The following MTA3 variants were observed in gnomAD, a reference collection of about 807,000 sequenced individuals.
MTA3 encodes metastasis associated 1 family member 3.
In MTA3, 34 loss-of-function variants were observed where a neutral mutation model predicts 83.5. That is an observed-to-expected ratio of 0.41 (90% CI 0.31 to 0.54). The LOEUF is 0.54. MTA3 is among the 20% of genes least tolerant of loss of function. The probability of loss-of-function intolerance (pLI) is 0.33; values close to 1 mark genes in which losing one functional copy is unlikely to be tolerated. For synonymous variants in MTA3, 303 were observed against 252.7 expected (o/e 1.20, Z -1.89); for missense variants, 761 against 726.4 (o/e 1.05, Z -0.55).
At chr2:42,564,491 A>G (rs1677819248), upstream of MTA3, among the ~76,000 whole-genome samples, 1 of 152,182 alleles carries the variant, frequency 6.6e-6, no homozygotes, top group Non-Finnish European at 1.5e-5. Flanking sequence ...TTGCCATCAT[A>G]TGCCTACACT....
In MTA3 at chr2:42,625,415, G is replaced by A. The variant is rs1051168547; in HGVS notation, c.318-14758G>A. ...GCTAAATCTTTGATTTTTCTAGCAC[G>A]TCTAGTGATATTTTAATTTTGCCAA... On this transcript the variant is annotated intron_variant, in intron 4 of 16. Coordinates refer to ENST00000405094, the MANE Select transcript of MTA3 (RefSeq NM_001330442.2). Among the ~76,000 whole-genome samples the A allele has an allele frequency of 6.6e-5, 10 of 151,490 alleles. 1 individual carries two copies. Among genetic ancestry groups the A allele is most frequent in the Admixed American group, 2.6e-4 (4 of 15,208 alleles).
Position 42,667,578 on chromosome 2 carries a change from G to GTGTGTGTT in MTA3, c.702+7723_702+7724insTTGTGTGT, listed in dbSNP as rs1690355375. On this transcript the variant is annotated intron_variant, in intron 8 of 16. Coordinates refer to ENST00000405094, the MANE Select transcript of MTA3 (RefSeq NM_001330442.2). Reference sequence around the variant, plus strand: ...TTTCCATCATTTAAAAATTGTGTGTGTGTGTGTGTGTGTGTGTGTGTGTGT... The same window carrying GTGTGTGTT: ...TTTCCATCATTTAAAAATTGTGTGTGTGTGTGTTTGTGTGTGTGTGTGTGTGTGTGTGT... Among the ~76,000 whole-genome samples the GTGTGTGTT allele has an allele frequency of 1.7e-3, 217 of 129,912 alleles. 2 individuals are homozygous for GTGTGTGTT. The highest frequency in any genetic ancestry group is 8.5e-3 in the South Asian group (33 of 3,902). The allele number at this position is 129,912 out of a possible 152,430, so 85.2% of individuals were successfully genotyped here.
chr2:42,568,668 C>A lies in MTA3; in HGVS notation c.-78C>A. 3 of 1,081,458 alleles carry A rather than the reference C, an allele frequency of 2.8e-6. No homozygotes were observed. The highest frequency in any genetic ancestry group is 3.4e-6 in the Non-Finnish European group (3 of 873,470). The allele number at this position is 1,081,458 out of a possible 1,614,324, so 67.0% of individuals were successfully genotyped here. ...GCAGCGACGGCGGCGGCGGCAGCGG[C>A]GGTCGCGGCTGAGGCTGAGGAGGAG... On this transcript the variant is annotated 5_prime_UTR_variant, in exon 1 of 17. Transcript: ENST00000405094.
At chr2:42,719,707 A>G (rs1166053312) in intron 15 of MTA3, among the ~76,000 whole-genome samples, 2 of 152,102 alleles carry the variant, frequency 1.3e-5, no homozygotes, top group African/African-American at 2.4e-5. Flanking sequence ...GCTTTAGGTG[A>G]CTTTGAAGGG....
intron 14 of MTA3, among the ~76,000 whole-genome samples, chr2:42,711,001 C>G (rs865921417): frequency 6.6e-6 from 1 of 151,750 alleles, no homozygotes; most frequent in East Asian, 1.9e-4. Flanking sequence ...ATCACTTGAA[C>G]CTGGGAGGCA....
rs1040275518 is a variant in MTA3, at chr2:42,609,461, A to T, written c.194A>T (p.Glu65Val). 6.8e-6 allele frequency: 11 copies of T among 1,613,444 alleles called. No individual in the cohort carries two copies. In the African/African-American group the frequency reaches 1.5e-4, roughly 22 times the overall value. The change falls in exon 4 of 17, where the codon GAA (glutamate) becomes GTA (valine). Residue 65 changes from glutamate to valine, a missense_variant. Physicochemically the swap from Glu to Val is moderately radical, Grantham distance 121 (BLOSUM62 -2). Coordinates refer to ENST00000405094, the MANE Select transcript of MTA3 (RefSeq NM_001330442.2). ...LIMLADKHAK[E>V]IEEESETTVE... ...TCTTTGAATTTTATTTGTGTAGAAGAAATTGAGGAAGAATCTGAAACAACA... is the reference window on the plus strand; with the variant it reads ...TCTTTGAATTTTATTTGTGTAGAAGTAATTGAGGAAGAATCTGAAACAACA...
At chr2:42,524,472 G>GTGTTTTTTTTTTTTTT (rs1553337451) in intron 2 of MTA3, among the ~76,000 whole-genome samples, 1 of 70,666 alleles carries the variant, frequency 1.4e-5, no homozygotes, top group African/African-American at 5.7e-5. Flanking sequence ...GGCTAGTTGT[G>GTGTTTTTTTTTTTTTT]TTTTTTTTTT....
intron 2 of MTA3, among the ~76,000 whole-genome samples, chr2:42,548,896 C>A: frequency 2.2e-5 from 1 of 45,236 alleles, no homozygotes; most frequent in Non-Finnish European, 4.0e-5. Flanking sequence ...TATATATCAG[C>A]GGGCACGGTG....
chr2:42,664,722 G>A (rs141821484), intron 8 of MTA3, among the ~76,000 whole-genome samples: 1 of 152,154 alleles, frequency 6.6e-6, no homozygotes, highest in African/African-American at 2.4e-5. Context: ...AGACCTCTTT[G>A]AGAGGCCTGC....
At chr2:42,552,219 G>C (rs947602653) in intron 2 of MTA3, among the ~76,000 whole-genome samples, 1 of 152,136 alleles carries the variant, frequency 6.6e-6, no homozygotes, top group Non-Finnish European at 1.5e-5. Context: ...CATGTCTAGG[G>C]AATAATCAGA....
chr2:42,591,716 T>C (rs1174692517), intron 3 of MTA3, among the ~76,000 whole-genome samples: 1 of 152,110 alleles, frequency 6.6e-6, no homozygotes, highest in African/African-American at 2.4e-5. Context: ...AGTGGTGCGA[T>C]CTCAGCTCAC....
At chr2:42,597,124 C>T (rs370388165) in intron 3 of MTA3, among the ~76,000 whole-genome samples, 145 of 151,834 alleles carry the variant, frequency 9.5e-4, no homozygotes, top group African/African-American at 3.1e-3. Context: ...GTTGTCCAGG[C>T]GGGTTTCGAA....
At chr2:42,749,716 C>A (rs1669722948) in intron 16 of MTA3, among the ~76,000 whole-genome samples, 1 of 152,022 alleles carries the variant, frequency 6.6e-6, no homozygotes, top group Non-Finnish European at 1.5e-5. Flanking sequence ...GATCCTCCCA[C>A]CTCAGCCTCC....
chr2:42,752,559 T>C (rs1669958338), intron 16 of MTA3, among the ~76,000 whole-genome samples: 1 of 151,950 alleles, frequency 6.6e-6, no homozygotes, highest in Admixed American at 6.6e-5. Context: ...TTTGGGGAAG[T>C]GGAGGGGGTG....
At chr2:42,687,739 G>A (rs1390426257) in intron 9 of MTA3, among the ~76,000 whole-genome samples, 1 of 152,128 alleles carries the variant, frequency 6.6e-6, no homozygotes, top group Non-Finnish European at 1.5e-5. Flanking sequence ...TTCTAGTGCA[G>A]GATTTGGAGA....
chr2:42,506,153 A>G (rs1674618315), intron 2 of MTA3, among the ~76,000 whole-genome samples: 1 of 152,162 alleles, frequency 6.6e-6, no homozygotes, highest in African/African-American at 2.4e-5. Flanking sequence ...TATCCATAAT[A>G]AAAAAGTAAA....
intron 2 of MTA3, among the ~76,000 whole-genome samples, chr2:42,560,548 T>A (rs1291671738): frequency 2.0e-5 from 3 of 147,912 alleles, no homozygotes; most frequent in African/African-American, 7.5e-5. Context: ...TGAGACTCCA[T>A]CTTAAAAAAA....
chr2:42,640,351 C>A, intron 5 of MTA3, 115 bp downstream of exon 5: 2 of 736,318 alleles, frequency 2.7e-6, no homozygotes, highest in Non-Finnish European at 2.1e-6. Flanking sequence ...ATATTAATAG[C>A]AGTATTATAG....
chr2:42,623,957 A>T (rs954640454), intron 4 of MTA3, among the ~76,000 whole-genome samples: 3 of 151,788 alleles, frequency 2.0e-5, no homozygotes, highest in African/African-American at 7.3e-5. Context: ...GGTGTGATCC[A>T]CCCACCTCGG....
Sources: allele counts gnomAD v4.1 joint callset (sites outside exome capture counted in the v4.1 genomes callset), GRCh38; gene constraint gnomAD v4.1.1; transcripts MANE v1.5; gene names NCBI Gene and HGNC (gene_info 2026-07-23, HGNC 2026-07-21).